Variants in TBCK observed in about 807,000 individuals in gnomAD.
TBCK encodes TBC1 domain containing kinase.
Under a neutral mutation model 113.4 loss-of-function variants are expected in TBCK, and 99 were observed. The ratio of observed to expected loss-of-function variants is 0.87; its 90% CI spans 0.74 to 1.03. The LOEUF (loss-of-function observed/expected upper bound fraction) is 1.03, where lower values mean the gene tolerates loss of function less well. TBCK is among the 50% of genes least tolerant of loss of function. The pLI is 0.00. For synonymous variants in TBCK, 369 were observed against 370.8 expected (o/e 1.00, Z 0.05); for missense variants, 1,045 against 1,061.3 (o/e 0.98, Z 0.21).
intron 23 of TBCK, among the ~76,000 whole-genome samples, chr4:106,160,614 A>G (rs1481482377): frequency 6.6e-6 from 1 of 151,968 alleles, no homozygotes; most frequent in East Asian, 1.9e-4. Context: ...CAAAATAGAA[A>G]AGTGTTCGCA....
At chr4:106,126,413 A>C (rs1445433345) in intron 23 of TBCK, among the ~76,000 whole-genome samples, 1 of 152,220 alleles carries the variant, frequency 6.6e-6, no homozygotes, top group East Asian at 1.9e-4. Context: ...AAAGGAATAA[A>C]ATAGTATTTC....
At chr4:106,194,003 C>A (rs766563772) in intron 21 of TBCK, among the ~76,000 whole-genome samples, 3 of 151,944 alleles carry the variant, frequency 2.0e-5, no homozygotes, top group Non-Finnish European at 4.4e-5. Flanking sequence ...CCCTATTAAC[C>A]ATTCATAATA....
intron 25 of TBCK, among the ~76,000 whole-genome samples, chr4:106,083,910 A>T (rs1578845513): frequency 1.3e-5 from 2 of 151,950 alleles, no homozygotes; most frequent in Non-Finnish European, 2.9e-5. Flanking sequence ...CAACAAAAAG[A>T]CCCCCATAAA....
intron 19 of TBCK, among the ~76,000 whole-genome samples, chr4:106,216,921 G>T (rs1320163426): frequency 2.6e-5 from 4 of 151,842 alleles, no homozygotes; most frequent in Non-Finnish European, 2.9e-5. Context: ...CCAAAAAAGA[G>T]AATTTTAGAC....
intron 20 of TBCK, among the ~76,000 whole-genome samples, chr4:106,202,246 A>G (rs1754974261): frequency 6.6e-6 from 1 of 151,934 alleles, no homozygotes; most frequent in Admixed American, 6.6e-5. Flanking sequence ...TAGGCACTGT[A>G]TAAAATATTT....
At position 106,236,502 on chromosome 4, in the gene TBCK, T is replaced by C. The variant is rs754049795; in HGVS notation, c.1238A>G (p.His413Arg). Residue 413 changes from histidine to arginine, a missense_variant, in exon 14 of 26, where the codon CAT (histidine) becomes CGT (arginine). His to Arg is a conservative substitution (Grantham distance 29). Coordinates refer to ENST00000394708, the MANE Select transcript of TBCK (RefSeq NM_001163435.3). Reference sequence around the variant, plus strand: ...AGACAACTCATTATTGCTGTTTGAATGAGGTAAATTAGACTGGCTGTAAAA... The same window carrying C: ...AGACAACTCATTATTGCTGTTTGAACGAGGTAAATTAGACTGGCTGTAAAA... ...LLEDDQSNLP[H>R]SNSNNELSAA... 1.9e-6 allele frequency: 3 copies of C among 1,550,652 alleles called. No homozygotes were observed. The East Asian group carries it at 7.0e-5, about 36-fold the overall frequency.
In TBCK at chr4:106,165,763, T is replaced by G. The variant is rs148978820; in HGVS notation, c.2235+5332A>C. Among the ~76,000 whole-genome samples the G allele has an allele frequency of 2.7e-3, 404 of 151,842 alleles. 3 individuals carry two copies. Among genetic ancestry groups the G allele is most frequent in the African/African-American group, 9.5e-3 (395 of 41,538 alleles). ...TAACCCTGCCAGGGTGGTATTATTT[T>G]AAGTATGCTAATGATTACAAATAGG... On this transcript the variant is annotated intron_variant, in intron 23 of 25. Transcript: ENST00000394708.
At chr4:106,277,906 C>T (rs745569666) in intron 3 of TBCK, among the ~76,000 whole-genome samples, 1 of 152,048 alleles carries the variant, frequency 6.6e-6, no homozygotes, top group Non-Finnish European at 1.5e-5. Context: ...TGTATACATG[C>T]TAAACTATTT....
At chr4:106,093,306 ACCAC>A in intron 25 of TBCK, among the ~76,000 whole-genome samples, 1 of 152,148 alleles carries the variant, frequency 6.6e-6, no homozygotes, top group Non-Finnish European at 1.5e-5. Context: ...GGAGATTGAG[ACCAC>A]CCTGTCTAAC....
chr4:106,229,210 GTTGA>G (rs1758577165), intron 19 of TBCK, among the ~76,000 whole-genome samples: 1 of 151,926 alleles, frequency 6.6e-6, no homozygotes, highest in Non-Finnish European at 1.5e-5. Context: ...TCCTAACTTT[GTTGA>G]TTGTCTCCTT....
chr4:106,125,542 C>T (rs554458440), intron 23 of TBCK, among the ~76,000 whole-genome samples: 66 of 152,192 alleles, frequency 4.3e-4, no homozygotes, highest in Admixed American at 1.0e-3. Flanking sequence ...GAATGAAATC[C>T]TATCATTTTC....
At chr4:106,097,244 T>C (rs1180010860) in intron 24 of TBCK, among the ~76,000 whole-genome samples, 1 of 152,166 alleles carries the variant, frequency 6.6e-6, no homozygotes, top group Non-Finnish European at 1.5e-5. Context: ...AAATACAAAA[T>C]GATTCCAAAC....
intron 23 of TBCK, among the ~76,000 whole-genome samples, chr4:106,165,308 T>C (rs1232272561): frequency 1.3e-5 from 2 of 151,802 alleles, no homozygotes; most frequent in African/African-American, 2.4e-5. Context: ...GGAAAGACTT[T>C]GGCACTAGAT....
At chr4:106,074,941 AT>A (rs2149483158) in intron 25 of TBCK, among the ~76,000 whole-genome samples, 1 of 152,340 alleles carries the variant, frequency 6.6e-6, no homozygotes, top group African/African-American at 2.4e-5. Flanking sequence ...ATTCTCTCCT[AT>A]AGCTTGCCAG....
intron 3 of TBCK, among the ~76,000 whole-genome samples, chr4:106,268,281 G>A (rs573696179): frequency 1.1e-4 from 16 of 151,842 alleles, no homozygotes; most frequent in Non-Finnish European, 1.9e-4. Flanking sequence ...CTTGATTTCC[G>A]ACAGTACACA....
At position 106,304,193 on chromosome 4, in the gene TBCK, C is replaced by G. The variant is rs564818285; in HGVS notation, c.193+4575G>C. ...AGTGGTCACCCTGCAGGCTATAACC[C>G]TTATGATAAATAAAGCTCTCCTTTC... On this transcript the variant is annotated intron_variant, in intron 2 of 25. Coordinates refer to ENST00000394708, the MANE Select transcript of TBCK (RefSeq NM_001163435.3). 1.3e-4 allele frequency among the ~76,000 whole-genome samples: 20 copies of G among 152,264 alleles called. 1 individual carries two copies. In the East Asian group the frequency reaches 3.9e-3, roughly 29 times the overall value.
intron 24 of TBCK, among the ~76,000 whole-genome samples, chr4:106,106,803 A>AAGGTTGAAAATACCCCTTGAACCT: frequency 6.6e-6 from 1 of 152,324 alleles, no homozygotes; most frequent in Non-Finnish European, 1.5e-5. Flanking sequence ...TGAACCTTGA[A>AAGGTTGAAAATACCCCTTGAACCT]TGTAAAGGGT....
At chr4:106,187,759 A>C (rs1390157175) in intron 22 of TBCK, among the ~76,000 whole-genome samples, 3 of 152,068 alleles carry the variant, frequency 2.0e-5, no homozygotes, top group South Asian at 4.1e-4. Flanking sequence ...CGTTGTAGAG[A>C]TCTTTCACCT....
At chr4:106,076,678 C>G (rs925338306) in intron 25 of TBCK, among the ~76,000 whole-genome samples, 1 of 152,130 alleles carries the variant, frequency 6.6e-6, no homozygotes, top group Non-Finnish European at 1.5e-5. Context: ...TCCGCAGAAA[C>G]TTTACAAGCC....
Sources: allele counts gnomAD v4.1 joint callset (sites outside exome capture counted in the v4.1 genomes callset), GRCh38; gene constraint gnomAD v4.1.1; transcripts MANE v1.5; gene names NCBI Gene and HGNC (gene_info 2026-07-23, HGNC 2026-07-21).